ZBTB20: variants seen among roughly 807,000 people sequenced by gnomAD.
ZBTB20 encodes zinc finger and BTB domain containing 20.
In ZBTB20, 9 loss-of-function variants were observed where a neutral mutation model predicts 56.9. The ratio of observed to expected loss-of-function variants is 0.16; its 90% confidence interval spans 0.10 to 0.28. The LOEUF is 0.28. Ranked by LOEUF, ZBTB20 falls within the 10% of genes least tolerant of loss-of-function variation. The pLI is 1.00. For missense variants in ZBTB20, 655 were observed against 1,003.0 expected (o/e 0.65, Z 4.69); for synonymous variants, 417 against 420.7 (o/e 0.99, Z 0.11).
intron 6 of ZBTB20, among the ~76,000 whole-genome samples, chr3:114,689,242 A>G (rs7611663): frequency 0.069 from 10,576 of 152,192 alleles, 1,192 homozygotes; most frequent in African/African-American, 0.24. Context: ...TGTGTTATGC[A>G]TCCAATAAAG....
intron 7 of ZBTB20, among the ~76,000 whole-genome samples, chr3:114,497,497 T>G (rs550851535): frequency 1.8e-4 from 28 of 152,352 alleles, no homozygotes; most frequent in African/African-American, 5.8e-4. Context: ...TAAATGCTCT[T>G]ACATTTTTCT....
chr3:114,834,619 C>G (rs1309512877), intron 4 of ZBTB20, among the ~76,000 whole-genome samples: 2 of 151,972 alleles, frequency 1.3e-5, no homozygotes, highest in African/African-American at 4.8e-5. Context: ...TTCCATCCAC[C>G]TCTTAGCTCC....
chr3:114,549,680 T>C (rs905863343), intron 6 of ZBTB20, among the ~76,000 whole-genome samples: 1 of 151,742 alleles, frequency 6.6e-6, no homozygotes, highest in African/African-American at 2.4e-5. Flanking sequence ...TCTCTAATCA[T>C]CACACTAAGG....
At chr3:115,041,759 T>G (rs1388538939) in intron 2 of ZBTB20, among the ~76,000 whole-genome samples, 1 of 152,134 alleles carries the variant, frequency 6.6e-6, no homozygotes, top group South Asian at 2.1e-4. Flanking sequence ...TCCAAATAAC[T>G]ATAAATTCCC....
chr3:114,925,012 T>G (rs1423648159), intron 3 of ZBTB20, among the ~76,000 whole-genome samples: 1 of 147,078 alleles, frequency 6.8e-6, no homozygotes, highest in Non-Finnish European at 1.5e-5. Flanking sequence ...TTAGATGAAG[T>G]CTTGCTCTGT....
At chr3:115,084,555 T>C (rs776122914) in intron 1 of ZBTB20, among the ~76,000 whole-genome samples, 3 of 151,700 alleles carry the variant, frequency 2.0e-5, no homozygotes, top group Non-Finnish European at 4.4e-5. Flanking sequence ...AGTGGAAAAA[T>C]ATGAGATTTG....
At chr3:115,001,864 C>T (rs935099957) in intron 2 of ZBTB20, among the ~76,000 whole-genome samples, 1 of 151,218 alleles carries the variant, frequency 6.6e-6, no homozygotes, top group Admixed American at 6.6e-5. Flanking sequence ...ATCAAAATCC[C>T]ACAAAGTTAT....
At chr3:114,720,085 AT>A (rs543487275) in intron 5 of ZBTB20, among the ~76,000 whole-genome samples, 52 of 149,300 alleles carry the variant, frequency 3.5e-4, no homozygotes, top group African/African-American at 1.2e-3. Flanking sequence ...AATATATATA[AT>A]GTATATATGT....
At chr3:114,831,087 C>CTTTTTTTTTTTTTTTTTTTTTTTTT (rs57265260) in intron 4 of ZBTB20, among the ~76,000 whole-genome samples, 2 of 55,566 alleles carry the variant, frequency 3.6e-5, no homozygotes, top group Non-Finnish European at 7.5e-5. Context: ...TTTCTTTCTT[C>CTTTTTTTTTTTTTTTTTTTTTTTTT]TTTTTTTTTT....
chr3:114,328,188 A>G lies in ZBTB20; in HGVS notation c.*10817T>C, dbSNP rs896121795. On this transcript the variant is annotated 3_prime_UTR_variant, in exon 12 of 12. Transcript: ENST00000675478. ...CAAAACTTTATGGATCTTTTCATCCATTAGTAAGTTACTGCTCAAAGTTCT... is the reference window on the plus strand; with the variant it reads ...CAAAACTTTATGGATCTTTTCATCCGTTAGTAAGTTACTGCTCAAAGTTCT... 5 of 152,182 alleles carry G rather than the reference A, an allele frequency of 3.3e-5. No individual in the cohort carries two copies. The highest frequency in any genetic ancestry group is 1.2e-4 in the African/African-American group (5 of 41,448). 9.4% of individuals were successfully genotyped at this position (152,182 alleles called of 1,614,324 possible). A position where few individuals can be genotyped will look rare whatever the true frequency, so the allele number is the denominator to read the frequency against.
intron 10 of ZBTB20, among the ~76,000 whole-genome samples, chr3:114,354,562 GGTTTTTTTTTGTTTTGTTTTGTTT>G (rs1056663760): frequency 1.8e-5 from 2 of 108,724 alleles, no homozygotes; most frequent in African/African-American, 2.8e-5. Context: ...GTTCTGAACA[GGTTTTTTTTTGTTTTGTTTTGTTT>G]GTTTTTTTTT....
intron 4 of ZBTB20, among the ~76,000 whole-genome samples, chr3:114,880,261 G>A (rs995885584): frequency 5.3e-5 from 8 of 152,148 alleles, no homozygotes; most frequent in Admixed American, 2.6e-4. Context: ...AGTCCGGGCC[G>A]CCTTTGAAAG....
chr3:114,660,279 A>G (rs2060648395), intron 6 of ZBTB20, among the ~76,000 whole-genome samples: 1 of 152,160 alleles, frequency 6.6e-6, no homozygotes, highest in South Asian at 2.1e-4. Flanking sequence ...AGAAGGATAC[A>G]GTGCATTTTC....
intron 8 of ZBTB20, among the ~76,000 whole-genome samples, chr3:114,386,377 A>C (rs2085129113): frequency 6.6e-6 from 1 of 152,186 alleles, no homozygotes. Context: ...TGGCACATGC[A>C]AAGTTTTTAG....
chr3:114,614,011 T>C (rs2057743064), intron 6 of ZBTB20, among the ~76,000 whole-genome samples: 1 of 152,160 alleles, frequency 6.6e-6, no homozygotes, highest in Non-Finnish European at 1.5e-5. Context: ...TCATCCTTAA[T>C]TTACAGATAA....
chr3:115,109,519 G>C (rs1346260883), intron 1 of ZBTB20, among the ~76,000 whole-genome samples: 1 of 152,046 alleles, frequency 6.6e-6, no homozygotes, highest in African/African-American at 2.4e-5. Context: ...TCCCCCAACA[G>C]CATTAAAAGA....
chr3:114,599,307 C>T (rs1459550034), intron 6 of ZBTB20: 2 of 152,048 alleles, frequency 1.3e-5, no homozygotes, highest in African/African-American at 4.8e-5. Flanking sequence ...CACAGAGATG[C>T]TTCCCTGTAA....
At chr3:114,542,918 C>A (rs534380939) in intron 6 of ZBTB20, among the ~76,000 whole-genome samples, 189 of 152,268 alleles carry the variant, frequency 1.2e-3, no homozygotes, top group Non-Finnish European at 2.2e-3. Context: ...TACGATGCAA[C>A]AAATGGGTTT....
intron 4 of ZBTB20, among the ~76,000 whole-genome samples, chr3:114,897,370 G>C (rs941533223): frequency 6.6e-6 from 1 of 151,948 alleles, no homozygotes; most frequent in Admixed American, 6.6e-5. Context: ...AAGGAAATGA[G>C]GAAAGGAGAG....
Sources: gnomAD v4.1 joint callset for allele counts (sites outside exome capture counted in the v4.1 genomes callset) on GRCh38, gnomAD v4.1.1 for gene constraint, MANE v1.5 for transcripts, NCBI Gene and HGNC (gene_info 2026-07-23, HGNC 2026-07-21) for gene names.